The following EPHA6 variants were observed in gnomAD, a reference collection of about 807,000 sequenced individuals.
The protein encoded by EPHA6 is EPH receptor A6.
In EPHA6, 50 loss-of-function variants were observed where a neutral mutation model predicts 112.0. The ratio of observed to expected loss-of-function variants is 0.45; its 90% CI spans 0.36 to 0.56. The LOEUF is 0.56. Among genes scored for constraint, EPHA6 ranks in the 20% least tolerant of loss-of-function variants. EPHA6 has a pLI of 0.00. For missense variants in EPHA6, 1,280 were observed against 1,417.4 expected, an observed-to-expected ratio of 0.90 and a Z score of 1.56; for synonymous variants, 529 against 490.7, an observed-to-expected ratio of 1.08 and a Z score of -1.03.
chr3:97,564,956 A>C (rs2093242113), intron 11 of EPHA6, among the ~76,000 whole-genome samples: 1 of 152,188 alleles, frequency 6.6e-6, no homozygotes, highest in Non-Finnish European at 1.5e-5. Context: ...CCAATGTCAG[A>C]AAAGGGAATA....
intron 15 of EPHA6, among the ~76,000 whole-genome samples, chr3:97,729,292 A>G (rs2034926267): frequency 6.6e-6 from 1 of 152,070 alleles, no homozygotes; most frequent in Non-Finnish European, 1.5e-5. Flanking sequence ...ATATTAGTCC[A>G]TTTTCACACT....
chr3:97,639,566 T>G (rs182140423), intron 14 of EPHA6, among the ~76,000 whole-genome samples: 409 of 152,248 alleles, frequency 2.7e-3, no homozygotes, highest in African/African-American at 9.4e-3. Flanking sequence ...ACTACACTCT[T>G]TGTGGCAGTA....
At chr3:97,204,669 T>A (rs905994513) in intron 3 of EPHA6, among the ~76,000 whole-genome samples, 1 of 152,112 alleles carries the variant, frequency 6.6e-6, no homozygotes, top group African/African-American at 2.4e-5. Context: ...CTCCATCATT[T>A]TGGGAAAAAA....
intron 5 of EPHA6, among the ~76,000 whole-genome samples, chr3:97,391,624 G>A (rs1042309316): frequency 2.0e-5 from 3 of 151,886 alleles, no homozygotes; most frequent in Admixed American, 6.6e-5. Flanking sequence ...ATATAAGGAG[G>A]AATAGAAGAG....
At chr3:97,122,562 A>G (rs563308625) in intron 3 of EPHA6, among the ~76,000 whole-genome samples, 4 of 152,206 alleles carry the variant, frequency 2.6e-5, no homozygotes, top group East Asian at 3.9e-4. Flanking sequence ...CTCTGGGCCA[A>G]TAAAGTTCTC....
intron 2 of EPHA6, among the ~76,000 whole-genome samples, chr3:96,911,992 G>T (rs999374784): frequency 6.6e-6 from 1 of 151,796 alleles, no homozygotes; most frequent in Non-Finnish European, 1.5e-5. Flanking sequence ...CATCAAATCT[G>T]AAACAGAAAA....
At chr3:97,650,770 T>A (rs1245434734) in intron 14 of EPHA6, among the ~76,000 whole-genome samples, 1 of 151,132 alleles carries the variant, frequency 6.6e-6, no homozygotes, top group African/African-American at 2.4e-5. Flanking sequence ...GGCAGGAGAA[T>A]TGCTTGAACC....
intron 11 of EPHA6, among the ~76,000 whole-genome samples, chr3:97,586,420 T>A (rs1575976500): frequency 1.3e-5 from 2 of 152,190 alleles, no homozygotes; most frequent in Non-Finnish European, 2.9e-5. Context: ...CATAAACTTA[T>A]TGAATCTCTA....
intron 2 of EPHA6, among the ~76,000 whole-genome samples, chr3:96,893,774 G>A (rs74370774): frequency 6.6e-6 from 1 of 152,120 alleles, no homozygotes; most frequent in Non-Finnish European, 1.5e-5. Flanking sequence ...AAAGCAAAAA[G>A]ATTGTTTGCT....
intron 2 of EPHA6, among the ~76,000 whole-genome samples, chr3:96,903,778 C>T (rs988445447): frequency 1.3e-5 from 2 of 152,006 alleles, no homozygotes; most frequent in African/African-American, 4.8e-5. Context: ...CAAACAACCC[C>T]ATCAAAAAGT....
intron 6 of EPHA6, among the ~76,000 whole-genome samples, chr3:97,419,801 C>G (rs2088464784): frequency 2.0e-5 from 3 of 152,152 alleles, no homozygotes; most frequent in Middle Eastern, 6.8e-3. Context: ...TTACATAAAC[C>G]TTTAGAAAGA....
chr3:96,972,424 AACACACACACACACACACACAC>A (rs3070424), intron 2 of EPHA6, among the ~76,000 whole-genome samples: 2 of 144,754 alleles, frequency 1.4e-5, no homozygotes, highest in African/African-American at 2.5e-5. Flanking sequence ...CACACACACA[AACACACACACACACACACACAC>A]ACACACACAC....
intron 3 of EPHA6, among the ~76,000 whole-genome samples, chr3:97,068,230 A>T (rs1401458663): frequency 1.3e-5 from 2 of 152,000 alleles, no homozygotes; most frequent in African/African-American, 4.8e-5. Context: ...TAATGGTGGA[A>T]AAATTTTACT....
chr3:97,065,994 G>A (rs1042576217), intron 3 of EPHA6, among the ~76,000 whole-genome samples: 1 of 151,892 alleles, frequency 6.6e-6, no homozygotes. Flanking sequence ...TTTAATACAA[G>A]TTTACTAGCA....
chr3:97,059,590 T>C (rs1038967283), intron 3 of EPHA6, among the ~76,000 whole-genome samples: 1 of 151,492 alleles, frequency 6.6e-6, no homozygotes, highest in Non-Finnish European at 1.5e-5. Context: ...ACAAATTAGA[T>C]CATCATAGAT....
intron 11 of EPHA6, among the ~76,000 whole-genome samples, chr3:97,583,071 G>A (rs1256765039): frequency 1.3e-5 from 2 of 148,782 alleles, no homozygotes; most frequent in Non-Finnish European, 3.0e-5. Context: ...TGCTAAAAGT[G>A]CAGACCTCAC....
At chr3:97,534,497 G>A (rs1332400654) in intron 11 of EPHA6, among the ~76,000 whole-genome samples, 1 of 133,086 alleles carries the variant, frequency 7.5e-6, no homozygotes, top group Non-Finnish European at 1.6e-5. Flanking sequence ...CCCTTTGAAT[G>A]AGTTTTATAC....
intron 5 of EPHA6, among the ~76,000 whole-genome samples, chr3:97,319,067 G>A (rs1298904137): frequency 6.6e-6 from 1 of 151,610 alleles, no homozygotes; most frequent in Non-Finnish European, 1.5e-5. Flanking sequence ...TTTATATTGA[G>A]AGTTCTTAGA....
chr3:97,675,296 T>C (rs1244661930), intron 14 of EPHA6, among the ~76,000 whole-genome samples: 1 of 151,874 alleles, frequency 6.6e-6, no homozygotes, highest in East Asian at 1.9e-4. Context: ...CTGGCCACCA[T>C]GGTGAAACCC....
Sources: gnomAD v4.1 joint callset for allele counts (sites outside exome capture counted in the v4.1 genomes callset) on GRCh38, gnomAD v4.1.1 for gene constraint, MANE v1.5 for transcripts, NCBI Gene and HGNC (gene_info 2026-07-23, HGNC 2026-07-21) for gene names.